ARHGEF9: variants seen among roughly 807,000 people sequenced by gnomAD.
ARHGEF9 encodes the protein Cdc42 guanine nucleotide exchange factor 9, also known as rho guanine nucleotide exchange factor 9.
In ARHGEF9, 2 loss-of-function variants were observed where a neutral mutation model predicts 41.3. The observed-to-expected ratio is 0.05, with a 90% CI of 0.02 to 0.15. The LOEUF (loss-of-function observed/expected upper bound fraction) is 0.15, where lower values mean the gene tolerates loss of function less well. Among genes scored for constraint, ARHGEF9 ranks in the 10% least tolerant of loss-of-function variants. The pLI is 1.00. For synonymous variants in ARHGEF9, 160 were observed against 154.4 expected (o/e 1.04, Z -0.27); for missense variants, 225 against 424.7 (o/e 0.53, Z 4.13).
At chrX:63,773,093 A>G (rs190263596) in intron 1 of ARHGEF9, among the ~76,000 whole-genome samples, 60 of 111,575 alleles carry the variant, frequency 5.4e-4, no homozygotes, top group South Asian at 1.5e-3. Flanking sequence ...TCTCTCCTCC[A>G]CTGTCTAGTT....
intron 6 of ARHGEF9, among the ~76,000 whole-genome samples, chrX:63,669,951 T>C: frequency 8.9e-6 from 1 of 112,054 alleles, no homozygotes. Flanking sequence ...AAATACTCAA[T>C]AAATACTGTT....
chrX:63,765,151 A>G (rs782428574), intron 1 of ARHGEF9, among the ~76,000 whole-genome samples: 1 of 110,991 alleles, frequency 9.0e-6, no homozygotes, highest in South Asian at 3.9e-4. Context: ...GTTTCAGGAA[A>G]TGAGTCCCAG....
chrX:63,714,945 G>T (rs1439435137), intron 2 of ARHGEF9, among the ~76,000 whole-genome samples: 1 of 111,744 alleles, frequency 8.9e-6, no homozygotes, highest in Non-Finnish European at 1.9e-5. Context: ...CCTTCCCAAC[G>T]AATGGAGACT....
chrX:63,764,010 T>C (rs1199496754), intron 1 of ARHGEF9, among the ~76,000 whole-genome samples: 1 of 111,885 alleles, frequency 8.9e-6, no homozygotes, highest in East Asian at 2.8e-4. Context: ...TCAGTTAGTA[T>C]GTCAAAAATT....
At chrX:63,728,272 T>C (rs2054086416) in intron 1 of ARHGEF9, among the ~76,000 whole-genome samples, 1 of 112,648 alleles carries the variant, frequency 8.9e-6, no homozygotes, top group Non-Finnish European at 1.9e-5. Flanking sequence ...CAATTTTTGT[T>C]AAAATGCACT....
intron 8 of ARHGEF9, among the ~76,000 whole-genome samples, chrX:63,648,645 C>T (rs1156693855): frequency 3.6e-5 from 4 of 111,542 alleles, no homozygotes; most frequent in African/African-American, 1.3e-4. Context: ...AACTAAAAGA[C>T]ACAGACTGGC....
rs2047253311 is a variant in ARHGEF9 at position 63,635,173 on chromosome X, G to A, written c.*2855C>T. On this transcript the variant is annotated 3_prime_UTR_variant, in exon 10 of 10. Transcript: ENST00000671741. ...CACTGTTGCCCATCCATCCACCCCA[G>A]CCCACCCCATCCCCAAAGCACTAAA... The A allele has an allele frequency of 7.2e-5, 18 of 249,094 alleles. No homozygotes were observed. Among genetic ancestry groups the A allele is most frequent in the East Asian group, 2.7e-4 (2 of 7,384 alleles). 20.5% of individuals were successfully genotyped at this position (249,094 alleles called of 1,213,427 possible). A position where few individuals can be genotyped will look rare whatever the true frequency, so the allele number is the denominator to read the frequency against.
intron 4 of ARHGEF9, among the ~76,000 whole-genome samples, chrX:63,695,721 GA>G (rs1436574641): frequency 8.9e-6 from 1 of 111,800 alleles, no homozygotes; most frequent in Non-Finnish European, 1.9e-5. Flanking sequence ...ACTATTCCCT[GA>G]TAAGAGTGGC....
intron 1 of ARHGEF9, chrX:63,743,291 A>T (rs782147023): frequency 8.9e-6 from 1 of 112,723 alleles, no homozygotes; most frequent in South Asian, 3.7e-4. Flanking sequence ...GACACTTGGT[A>T]CTGGTGAGTT....
intron 8 of ARHGEF9, among the ~76,000 whole-genome samples, chrX:63,646,759 A>T (rs1327301508): frequency 1.8e-5 from 2 of 111,816 alleles, no homozygotes; most frequent in African/African-American, 3.2e-5. Flanking sequence ...TTTTCCAATT[A>T]TGTGAAGAAA....
chrX:63,749,511 G>A (rs1308420301), intron 1 of ARHGEF9, among the ~76,000 whole-genome samples: 1 of 112,366 alleles, frequency 8.9e-6, no homozygotes, highest in Non-Finnish European at 1.9e-5. Context: ...GATTACAGGC[G>A]TGAGCCACCA....
intron 1 of ARHGEF9, among the ~76,000 whole-genome samples, chrX:63,731,552 GTTT>G (rs1165184937): frequency 2.6e-5 from 2 of 75,878 alleles, no homozygotes; most frequent in Non-Finnish European, 5.0e-5. Flanking sequence ...CCCTGTCTCA[GTTT>G]TTTTTTTTTT....
intron 1 of ARHGEF9, among the ~76,000 whole-genome samples, chrX:63,769,552 C>G (rs782101603): frequency 8.9e-6 from 1 of 112,112 alleles, no homozygotes; most frequent in African/African-American, 3.2e-5. Context: ...GTCTCCAGGG[C>G]ATGTCAAAGG....
intron 6 of ARHGEF9, among the ~76,000 whole-genome samples, chrX:63,668,508 T>C (rs782167909): frequency 2.7e-5 from 3 of 111,855 alleles, no homozygotes; most frequent in Non-Finnish European, 3.8e-5. Context: ...AATACTCCTC[T>C]ATGCTCACCA....
intron 2 of ARHGEF9, among the ~76,000 whole-genome samples, chrX:63,707,669 C>A (rs1556403553): frequency 9.0e-6 from 1 of 111,727 alleles, no homozygotes; most frequent in Non-Finnish European, 1.9e-5. Context: ...CACATTCCTG[C>A]CTCAAGAAGC....
intron 5 of ARHGEF9, among the ~76,000 whole-genome samples, chrX:63,676,644 C>T (rs1483879676): frequency 1.8e-5 from 2 of 111,733 alleles, no homozygotes; most frequent in Non-Finnish European, 3.8e-5. Context: ...AGCACAGAAG[C>T]TGCTAACATA....
intron 7 of ARHGEF9, among the ~76,000 whole-genome samples, chrX:63,659,611 G>A (rs782140580): frequency 9.0e-6 from 1 of 111,247 alleles, no homozygotes; most frequent in South Asian, 3.9e-4. Flanking sequence ...TTATAGAGGG[G>A]ACCCTAGTTA....
chrX:63,663,181 A>G (rs1430830525), intron 7 of ARHGEF9, among the ~76,000 whole-genome samples: 3 of 111,515 alleles, frequency 2.7e-5, no homozygotes, highest in African/African-American at 9.8e-5. Flanking sequence ...CTTGATAGAG[A>G]AGGAATTTAT....
At chrX:63,667,165 G>A (rs1386690378) in intron 6 of ARHGEF9, among the ~76,000 whole-genome samples, 3 of 111,867 alleles carry the variant, frequency 2.7e-5, no homozygotes, top group African/African-American at 9.8e-5. Context: ...GTCAGACAGT[G>A]CGCCAGATAT....
Sources: allele counts gnomAD v4.1 joint callset (sites outside exome capture counted in the v4.1 genomes callset), GRCh38; gene constraint gnomAD v4.1.1; transcripts MANE v1.5; gene names NCBI Gene and HGNC (gene_info 2026-07-23, HGNC 2026-07-21).